CDH6: variants seen among roughly 807,000 people sequenced by gnomAD.
CDH6 encodes cadherin 6, also known as cadherin-6.
In CDH6, 31 loss-of-function variants were observed where a neutral mutation model predicts 78.0. The observed-to-expected ratio is 0.40, with a 90% CI of 0.30 to 0.54. CDH6 has a LOEUF of 0.54. CDH6 is among the 20% of genes least tolerant of loss of function. The pLI, the probability that CDH6 is intolerant of heterozygous loss-of-function variation, is 0.56. For missense variants in CDH6, 724 were observed against 975.9 expected (o/e 0.74, Z 3.44); for synonymous variants, 376 against 368.8 (o/e 1.02, Z -0.23).
intron 1 of CDH6, among the ~76,000 whole-genome samples, chr5:31,213,567 G>C (rs1197702032): frequency 6.6e-6 from 1 of 152,196 alleles, no homozygotes; most frequent in Admixed American, 6.5e-5. Flanking sequence ...GGTTTATGCA[G>C]AATGTGACTG....
chr5:31,212,261 G>A (rs1053244139), intron 1 of CDH6, among the ~76,000 whole-genome samples: 1 of 152,156 alleles, frequency 6.6e-6, no homozygotes, highest in Admixed American at 6.5e-5. Context: ...TGTTTCTGCT[G>A]CTGCTATTGC....
At chr5:31,320,807 C>T (rs1220516810) in intron 11 of CDH6, among the ~76,000 whole-genome samples, 4 of 151,954 alleles carry the variant, frequency 2.6e-5, no homozygotes, top group African/African-American at 7.3e-5. Flanking sequence ...GGTGAAACCT[C>T]GTCTCTACTA....
At chr5:31,196,089 A>G (rs1329977209) in intron 1 of CDH6, among the ~76,000 whole-genome samples, 3 of 152,242 alleles carry the variant, frequency 2.0e-5, no homozygotes, top group Non-Finnish European at 4.4e-5. Context: ...CAAAGATAAT[A>G]TATGGAAACA....
chr5:31,210,076 TTGTGTG>T (rs60543109), intron 1 of CDH6, among the ~76,000 whole-genome samples: 37 of 146,564 alleles, frequency 2.5e-4, no homozygotes, highest in Admixed American at 6.1e-4. Flanking sequence ...TTTTCTTAAA[TTGTGTG>T]TGTGTGTGTG....
chr5:31,229,999 C>T (rs975884643), intron 1 of CDH6, among the ~76,000 whole-genome samples: 3 of 152,138 alleles, frequency 2.0e-5, no homozygotes, highest in Admixed American at 1.3e-4. Context: ...GCTGTATGGG[C>T]GTTTAATTGG....
intron 2 of CDH6, among the ~76,000 whole-genome samples, chr5:31,292,843 ATATG>A (rs1450502789): frequency 1.5e-4 from 2 of 13,080 alleles, no homozygotes; most frequent in African/African-American, 2.1e-3. Context: ...ATATATATAT[ATATG>A]TGTGCATATA....
chr5:31,241,675 C>T (rs1307028902), intron 1 of CDH6, among the ~76,000 whole-genome samples: 1 of 152,210 alleles, frequency 6.6e-6, no homozygotes, highest in African/African-American at 2.4e-5. Flanking sequence ...CTGGCATCAT[C>T]AGCATTAAGC....
intron 1 of CDH6, among the ~76,000 whole-genome samples, chr5:31,203,492 G>A (rs1740428776): frequency 7.3e-6 from 1 of 137,882 alleles, no homozygotes; most frequent in Non-Finnish European, 1.5e-5. Context: ...GTGAGAATAT[G>A]CGGTGTTTGG....
intron 2 of CDH6, among the ~76,000 whole-genome samples, chr5:31,292,677 C>A (rs1737407757): frequency 1.3e-5 from 2 of 151,486 alleles, no homozygotes; most frequent in Admixed American, 1.3e-4. Flanking sequence ...TATAAATAGT[C>A]CTCCTCAATA....
intron 1 of CDH6, among the ~76,000 whole-genome samples, chr5:31,227,802 C>T (rs969671245): frequency 6.6e-6 from 1 of 152,128 alleles, no homozygotes; most frequent in African/African-American, 2.4e-5. Context: ...GGGAACGGAC[C>T]CCTACCTTAA....
Position 31,305,433 on chromosome 5 carries a change from C to T in CDH6, c.1253+6C>T. 1.2e-6 allele frequency: 2 copies of T among 1,610,744 alleles called. No individual in the cohort carries two copies. The highest frequency in any genetic ancestry group is 2.2e-5 in the South Asian group (2 of 90,716). ...GCTGCCAGGAATCCTGTCAAGTAAG[C>T]ACACTTCTGCGACATGTCTCTTTCA... On this transcript the variant is annotated splice_donor_region_variant and intron_variant, in intron 7 of 11. Coordinates refer to ENST00000265071, the MANE Select transcript of CDH6 (RefSeq NM_004932.4).
intron 1 of CDH6, among the ~76,000 whole-genome samples, chr5:31,194,305 C>T (rs1740101204): frequency 6.6e-6 from 1 of 152,212 alleles, no homozygotes; most frequent in African/African-American, 2.4e-5. Context: ...GCAGGTCCCG[C>T]CGAGCCGTTT....
intron 2 of CDH6, among the ~76,000 whole-genome samples, chr5:31,268,293 G>A (rs957860174): frequency 2.0e-5 from 3 of 152,148 alleles, no homozygotes; most frequent in Admixed American, 2.0e-4. Flanking sequence ...AAAATCTTTT[G>A]ATTTAACTGT....
intron 1 of CDH6, among the ~76,000 whole-genome samples, chr5:31,247,413 T>C (rs1303125707): frequency 1.3e-5 from 2 of 152,172 alleles, no homozygotes; most frequent in African/African-American, 4.8e-5. Context: ...ATTGCAAAGC[T>C]CATTCTCTTA....
At chr5:31,254,045 T>C (rs185292616) in intron 1 of CDH6, among the ~76,000 whole-genome samples, 1 of 152,190 alleles carries the variant, frequency 6.6e-6, no homozygotes, top group East Asian at 1.9e-4. Flanking sequence ...CTGCACACTG[T>C]TCTGGACAGC....
chr5:31,302,139 T>G lies in CDH6; in HGVS notation c.840T>G (p.Ser280=). Reference sequence around the variant, plus strand: ...CATACCAGTTTAAAACTCCTGAATCTTCTCCACCGGGGACACCAATTGGCA... The same window carrying G: ...CATACCAGTTTAAAACTCCTGAATCGTCTCCACCGGGGACACCAATTGGCA... ...QSTYQFKTPE[S]SPPGTPIGRI... The change falls in exon 6 of 12, where the codon TCT becomes TCG. Residue 280 remains serine (S), a synonymous_variant. Transcript: ENST00000265071. 3 of 1,613,836 alleles carry G rather than the reference T, an allele frequency of 1.9e-6. No homozygotes were observed. The highest frequency in any genetic ancestry group is 2.5e-6 in the Non-Finnish European group (3 of 1,179,798).
At chr5:31,303,678 T>C (rs570254717) in intron 6 of CDH6, among the ~76,000 whole-genome samples, 1 of 152,346 alleles carries the variant, frequency 6.6e-6, no homozygotes, top group African/African-American at 2.4e-5. Context: ...ATGTATGGTG[T>C]AATATTTTCT....
intron 2 of CDH6, among the ~76,000 whole-genome samples, chr5:31,290,435 C>T (rs1743125346): frequency 6.6e-6 from 1 of 152,100 alleles, no homozygotes; most frequent in Non-Finnish European, 1.5e-5. Flanking sequence ...TAAAAGTGAA[C>T]CAGATGATTA....
At chr5:31,274,957 A>G (rs1302863215) in intron 2 of CDH6, among the ~76,000 whole-genome samples, 1 of 152,214 alleles carries the variant, frequency 6.6e-6, no homozygotes, top group Non-Finnish European at 1.5e-5. Flanking sequence ...AAGGTTAGAG[A>G]GGCTCCCGTG....
Sources: gnomAD v4.1 joint callset for allele counts (sites outside exome capture counted in the v4.1 genomes callset) on GRCh38, gnomAD v4.1.1 for gene constraint, MANE v1.5 for transcripts, NCBI Gene and HGNC (gene_info 2026-07-23, HGNC 2026-07-21) for gene names.